NFKBIZ: variants seen among roughly 807,000 people sequenced by gnomAD.
The protein encoded by NFKBIZ is NFKB inhibitor zeta.
In NFKBIZ, 19 loss-of-function variants were observed where a neutral mutation model predicts 76.8. The observed-to-expected ratio is 0.25, with a 90% CI of 0.17 to 0.36. The LOEUF is 0.36. NFKBIZ is among the 10% of genes least tolerant of loss of function. NFKBIZ has a pLI of 1.00. For missense variants in NFKBIZ, 829 were observed against 910.9 expected (o/e 0.91, Z 1.16); for synonymous variants, 368 against 354.8 (o/e 1.04, Z -0.42).
At chr3:101,848,852 A>G (rs1258091181), upstream of NFKBIZ, 4 of 152,248 alleles carry the variant, frequency 2.6e-5, no homozygotes, top group Non-Finnish European at 4.4e-5. Flanking sequence ...GTCCCAGCAG[A>G]TAATTTGAGA....
In NFKBIZ at chr3:101,855,475, T is replaced by G. The variant is rs1253699847; in HGVS notation, c.1654+17T>G. 1 of 1,607,290 alleles carries G rather than the reference T, an allele frequency of 6.2e-7. No homozygotes were observed. The highest frequency in any genetic ancestry group is 1.7e-5 in the Admixed American group (1 of 60,016). The stretch of plus-strand genomic sequence containing the variant: ...ACTATGATGGTAAGCAACTGAAACT[T>G]TATTAGATTCAGAGCCACTTAGGGG... On this transcript the variant is annotated intron_variant, in intron 8 of 11. Coordinates refer to ENST00000326172, the MANE Select transcript of NFKBIZ (RefSeq NM_031419.4).
At chr3:101,836,243 C>A (rs1336885605) in intron 2 of NFKBIZ, among the ~76,000 whole-genome samples, 1 of 152,134 alleles carries the variant, frequency 6.6e-6, no homozygotes, top group African/African-American at 2.4e-5. Flanking sequence ...CAGAACTGAA[C>A]CTGTGGAAGT....
intron 6 of NFKBIZ, 36 bp downstream of exon 6, chr3:101,854,719 G>A (rs374503110): frequency 6.9e-7 from 1 of 1,448,748 alleles, no homozygotes; most frequent in South Asian, 1.1e-5. Context: ...TGGCAAAGAG[G>A]GGGTCATGGT....
At chr3:101,858,951 A>G (rs1943094911) in intron 11 of NFKBIZ, among the ~76,000 whole-genome samples, 1 of 152,292 alleles carries the variant, frequency 6.6e-6, no homozygotes, top group East Asian at 1.9e-4. Context: ...GATAAGTGAG[A>G]TATTATAATA....
chr3:101,856,500 C>T (rs1284001629), intron 9 of NFKBIZ, among the ~76,000 whole-genome samples: 1 of 144,624 alleles, frequency 6.9e-6, no homozygotes, highest in African/African-American at 2.7e-5. Context: ...ATTTTGGCTT[C>T]CATTTTCATA....
chr3:101,849,945 A>C, intron 1 of NFKBIZ, 28 bp downstream of exon 1: 1 of 1,361,106 alleles, frequency 7.3e-7, no homozygotes, highest in Non-Finnish European at 9.4e-7. Context: ...ACCGCTGCGT[A>C]CTCGGGGCGC....
At chr3:101,832,110 T>C (rs774077307) in intron 2 of NFKBIZ, among the ~76,000 whole-genome samples, 1 of 152,088 alleles carries the variant, frequency 6.6e-6, no homozygotes, top group Non-Finnish European at 1.5e-5. Flanking sequence ...CTTTCTTTTT[T>C]ATTTTTTATT....
intron 2 of NFKBIZ, among the ~76,000 whole-genome samples, chr3:101,843,714 C>T (rs1942816171): frequency 6.6e-6 from 1 of 152,184 alleles, no homozygotes; most frequent in South Asian, 2.1e-4. Flanking sequence ...AATCCATTGG[C>T]CACTTTGAAT....
chr3:101,855,933 T>G, intron 9 of NFKBIZ, 31 bp downstream of exon 9: 2 of 1,568,172 alleles, frequency 1.3e-6, no homozygotes, highest in Non-Finnish European at 1.7e-6. Context: ...TAAGATGGGG[T>G]AGGGGAGAAA....
upstream of NFKBIZ, among the ~76,000 whole-genome samples, chr3:101,845,161 G>A (rs903133154): frequency 2.6e-5 from 4 of 151,860 alleles, no homozygotes; most frequent in Non-Finnish European, 4.4e-5. Context: ...CCAGCTACTC[G>A]GGAGGCTAAG....
rs1369515108 is a variant in NFKBIZ at position 101,860,238 on chromosome 3, G to C, written c.*867G>C. ...GCTCTGGCGCCCAGGCTGGAGTACAGTGGCATGATCTTGGCTCACTTCAGC... is the reference window on the plus strand; with the variant it reads ...GCTCTGGCGCCCAGGCTGGAGTACACTGGCATGATCTTGGCTCACTTCAGC... On this transcript the variant is annotated 3_prime_UTR_variant, in exon 12 of 12. Transcript: ENST00000326172. 2 of 151,012 alleles carry C rather than the reference G, an allele frequency of 1.3e-5. No homozygotes were observed. Among genetic ancestry groups the C allele is most frequent in the African/African-American group, 4.9e-5 (2 of 40,956 alleles). The allele number at this position is 151,012 out of a possible 1,614,324, so 9.4% of individuals were successfully genotyped here. A position where few individuals can be genotyped will look rare whatever the true frequency, so the allele number is the denominator to read the frequency against.
chr3:101,849,593 C>T lies in NFKBIZ; in HGVS notation c.-36C>T, dbSNP rs1942913970. Reference sequence around the variant, plus strand: ...AGCCGCGCGCAGCGAGCCGGTGGCGCAGGTGTCGGGGTCCTCGAGCGCCCA... The same window carrying T: ...AGCCGCGCGCAGCGAGCCGGTGGCGTAGGTGTCGGGGTCCTCGAGCGCCCA... On this transcript the variant is annotated 5_prime_UTR_variant, in exon 1 of 12. Transcript: ENST00000326172. 5 of 1,305,850 alleles carry T rather than the reference C, an allele frequency of 3.8e-6. No homozygotes were observed. The highest frequency in any genetic ancestry group is 4.9e-6 in the Non-Finnish European group (5 of 1,029,636). 80.9% of individuals were successfully genotyped at this position (1,305,850 alleles called of 1,614,324 possible).
chr3:101,828,730 T>G (rs937816475), intron 1 of NFKBIZ, among the ~76,000 whole-genome samples: 2 of 152,216 alleles, frequency 1.3e-5, no homozygotes, highest in African/African-American at 4.8e-5. Flanking sequence ...ATTTGATGAT[T>G]TGGCTGGACC....
At chr3:101,832,348 T>G (rs1310069695) in intron 2 of NFKBIZ, among the ~76,000 whole-genome samples, 1 of 152,246 alleles carries the variant, frequency 6.6e-6, no homozygotes, top group Admixed American at 6.5e-5. Flanking sequence ...CATTTTTAAG[T>G]GTACAGTTCA....
At chr3:101,839,899 A>AT (rs925653010) in intron 2 of NFKBIZ, among the ~76,000 whole-genome samples, 4 of 152,100 alleles carry the variant, frequency 2.6e-5, no homozygotes, top group African/African-American at 9.7e-5. Context: ...GAGCATGTAC[A>AT]TTTTTTACAG....
intron 2 of NFKBIZ, among the ~76,000 whole-genome samples, chr3:101,835,719 A>G (rs1204457464): frequency 6.6e-6 from 1 of 152,200 alleles, no homozygotes; most frequent in African/African-American, 2.4e-5. Flanking sequence ...ATCTCCAAAC[A>G]TAGCCACATT....
rs1322578637 is a variant in NFKBIZ at position 101,859,390 on chromosome 3, T to A, written c.*19T>A. On this transcript the variant is annotated 3_prime_UTR_variant, in exon 12 of 12. Coordinates refer to ENST00000326172, the MANE Select transcript of NFKBIZ (RefSeq NM_031419.4). Reference sequence around the variant, plus strand: ...GTATTAGCTCCATTAGCTTGGAGCCTGGCTAGCAACACTCACTGTCAGTTA... The same window carrying A: ...GTATTAGCTCCATTAGCTTGGAGCCAGGCTAGCAACACTCACTGTCAGTTA... The A allele has an allele frequency of 6.2e-7, 1 of 1,608,988 alleles. No individual in the cohort carries two copies. Among genetic ancestry groups the A allele is most frequent in the Non-Finnish European group, 8.5e-7 (1 of 1,175,386 alleles).
In NFKBIZ at chr3:101,853,882, C is replaced by T; in HGVS notation, c.1337+19C>T. 3 of 1,602,274 alleles carry T rather than the reference C, an allele frequency of 1.9e-6. No individual in the cohort carries two copies. Among genetic ancestry groups the T allele is most frequent in the Non-Finnish European group, 2.6e-6 (3 of 1,173,126 alleles). Reference sequence around the variant, plus strand: ...GTGACACGTGAGTATTCTTTTATCTCATGTTCTTAATTAGGTAAGCCACAC... The same window carrying T: ...GTGACACGTGAGTATTCTTTTATCTTATGTTCTTAATTAGGTAAGCCACAC... On this transcript the variant is annotated intron_variant, in intron 5 of 11. Transcript: ENST00000326172.
chr3:101,856,495 G>A (rs1379715526), intron 9 of NFKBIZ, among the ~76,000 whole-genome samples: 1 of 149,086 alleles, frequency 6.7e-6, no homozygotes, highest in Non-Finnish European at 1.5e-5. Context: ...TTGTCATTTT[G>A]GCTTCCATTT....
Sources: gnomAD v4.1 joint callset for allele counts (sites outside exome capture counted in the v4.1 genomes callset) on GRCh38, gnomAD v4.1.1 for gene constraint, MANE v1.5 for transcripts, NCBI Gene and HGNC (gene_info 2026-07-23, HGNC 2026-07-21) for gene names.